The following PYHIN1 variants were observed in gnomAD, a reference collection of about 807,000 sequenced individuals.
PYHIN1 encodes pyrin and HIN domain family member 1.
Under a neutral mutation model 43.7 loss-of-function variants are expected in PYHIN1, and 32 were observed. The observed-to-expected ratio is 0.73, with a 90% CI of 0.55 to 0.98. The LOEUF (loss-of-function observed/expected upper bound fraction) is 0.98. Among genes scored for constraint, PYHIN1 ranks in the 50% least tolerant of loss-of-function variants. The pLI, the probability that PYHIN1 is intolerant of heterozygous loss-of-function variation, is 0.00. For missense variants in PYHIN1, 588 were observed against 589.5 expected, an observed-to-expected ratio of 1.00 and a Z score of 0.03; for synonymous variants, 205 against 203.1, an observed-to-expected ratio of 1.01 and a Z score of -0.08.
At chr1:158,976,577 G>A in intron 8 of PYHIN1, 124 bp from the exon 9 acceptor site, 4 of 645,320 alleles carry the variant, frequency 6.2e-6, no homozygotes, top group Non-Finnish European at 2.7e-6. Context: ...TGAGAAAAGA[G>A]TGCTTCAGAT....
rs745995286 is a variant in PYHIN1, at chr1:158,938,511, C to T, written c.380C>T (p.Ala127Val). 1.2e-6 allele frequency: 2 copies of T among 1,614,078 alleles called. No individual in the cohort carries two copies. The highest frequency in any genetic ancestry group is 1.7e-5 in the Admixed American group (1 of 60,010). ...PACTPSNRLT[A>V]KGAEETLGPQ... ...TGCACCCCAAGCAACCGTCTCACAG[C>T]TAAAGGAGCAGAGGAGACTCTTGGA... is the stretch of plus-strand genomic sequence containing the variant. Residue 127 changes from alanine to valine, a missense_variant, in exon 3 of 9, where the codon GCT (alanine) becomes GTT (valine). Ala to Val is a moderately conservative substitution (Grantham distance 64). Coordinates refer to ENST00000368140, the MANE Select transcript of PYHIN1 (RefSeq NM_152501.5).
intron 7 of PYHIN1, among the ~76,000 whole-genome samples, chr1:158,947,037 T>C (rs779972594): frequency 1.3e-5 from 2 of 152,174 alleles, no homozygotes; most frequent in Non-Finnish European, 2.9e-5. Context: ...AACCACATCA[T>C]GCAGTTTCTT....
chr1:158,985,075 A>T, the PYHIN1 span, among the ~76,000 whole-genome samples: 4 of 152,144 alleles, frequency 2.6e-5, no homozygotes, highest in Non-Finnish European at 4.4e-5. Context: ...TCTCTTGAAG[A>T]CAGCATGTAA....
At chr1:158,962,404 G>A (rs1650372184) in intron 7 of PYHIN1, among the ~76,000 whole-genome samples, 1 of 152,104 alleles carries the variant, frequency 6.6e-6, no homozygotes, top group Non-Finnish European at 1.5e-5. Flanking sequence ...AGTGATGGGC[G>A]GATCCCCAAC....
chr1:158,958,934 G>C (rs72704936), intron 7 of PYHIN1, among the ~76,000 whole-genome samples: 2 of 150,752 alleles, frequency 1.3e-5, no homozygotes, highest in African/African-American at 4.9e-5. Context: ...AGCCTTAAGC[G>C]GCTGTTTCAA....
the PYHIN1 span, among the ~76,000 whole-genome samples, chr1:158,989,585 T>C: frequency 6.6e-6 from 1 of 152,252 alleles, no homozygotes; most frequent in East Asian, 1.9e-4. Flanking sequence ...ACGATGAAAG[T>C]AAAGATCAGA....
chr1:158,937,880 G>C (rs1345531467), intron 2 of PYHIN1, among the ~76,000 whole-genome samples: 1 of 151,634 alleles, frequency 6.6e-6, no homozygotes, highest in Non-Finnish European at 1.5e-5. Flanking sequence ...GAGAGGCGGA[G>C]CTGGCAGTGA....
chr1:158,952,429 G>A (rs1649600387), intron 7 of PYHIN1, among the ~76,000 whole-genome samples: 1 of 152,052 alleles, frequency 6.6e-6, no homozygotes, highest in Non-Finnish European at 1.5e-5. Flanking sequence ...TGCATTACTG[G>A]GCAGGTGAAC....
At chr1:158,937,960 GA>G (rs1648665608) in intron 2 of PYHIN1, among the ~76,000 whole-genome samples, 1 of 142,112 alleles carries the variant, frequency 7.0e-6, no homozygotes, top group African/African-American at 2.5e-5. Context: ...AAAAAAAAAA[GA>G]AAAAAAGTCA....
chr1:158,958,785 T>TA (rs34504261), intron 7 of PYHIN1, among the ~76,000 whole-genome samples: 77 of 129,432 alleles, frequency 5.9e-4, no homozygotes, highest in East Asian at 1.1e-3. Context: ...AAAAATAAAT[T>TA]AAAAAAAAAA....
intron 1 of PYHIN1, among the ~76,000 whole-genome samples, chr1:158,935,431 T>A (rs891046085): frequency 1.3e-5 from 2 of 151,840 alleles, no homozygotes; most frequent in African/African-American, 4.8e-5. Context: ...TAGAGAGAAA[T>A]GTGGATCTGT....
intron 1 of PYHIN1, among the ~76,000 whole-genome samples, chr1:158,934,542 T>C (rs1164825012): frequency 6.6e-6 from 1 of 152,178 alleles, no homozygotes; most frequent in Non-Finnish European, 1.5e-5. Flanking sequence ...TATTTGTTTT[T>C]TATGTTCTTC....
chr1:158,984,202 T>C, the PYHIN1 span, among the ~76,000 whole-genome samples: 7 of 151,972 alleles, frequency 4.6e-5, no homozygotes, highest in African/African-American at 1.4e-4. Context: ...GGGGTTGGTT[T>C]CCTTTTGTTT....
chr1:158,976,632 T>C, intron 8 of PYHIN1, 69 bp from the exon 9 acceptor site: 1 of 1,173,288 alleles, frequency 8.5e-7, no homozygotes, highest in Non-Finnish European at 1.2e-6. Context: ...AGAGGCAGTG[T>C]GATTGAAGAA....
chr1:158,982,233 T>C, the PYHIN1 span, among the ~76,000 whole-genome samples: 2 of 152,298 alleles, frequency 1.3e-5, no homozygotes, highest in African/African-American at 4.8e-5. Flanking sequence ...CAGAATAGTA[T>C]TTCCTAGATT....
intron 7 of PYHIN1, among the ~76,000 whole-genome samples, chr1:158,948,589 G>A (rs1649351272): frequency 6.6e-6 from 1 of 152,176 alleles, no homozygotes; most frequent in Admixed American, 6.5e-5. Context: ...TGCTGTAAGA[G>A]AAGTTTATTA....
intron 7 of PYHIN1, 172 bp downstream of exon 7, chr1:158,945,214 C>A (rs942973043): frequency 5.2e-6 from 3 of 576,890 alleles, no homozygotes; most frequent in Admixed American, 7.3e-5. Context: ...ACATGATAGT[C>A]TTTGCTATCT....
chr1:158,959,620 C>G (rs181620787), intron 7 of PYHIN1, among the ~76,000 whole-genome samples: 20 of 152,284 alleles, frequency 1.3e-4, no homozygotes, highest in Admixed American at 5.2e-4. Flanking sequence ...AAAATTTTTC[C>G]TACCAGCCTG....
In PYHIN1 at chr1:158,938,225, C is replaced by G. The variant is rs548911724; in HGVS notation, c.266-172C>G. ...GAGGAGTGTGAGTCAGTGTTTGTGC[C>G]TTTGTTTCTCCTGCTGGCCTCCTGG... is the stretch of plus-strand genomic sequence containing the variant. On this transcript the variant is annotated intron_variant, in intron 2 of 8. Coordinates refer to ENST00000368140, the MANE Select transcript of PYHIN1 (RefSeq NM_152501.5). Among the ~76,000 whole-genome samples, 103 of 152,256 alleles carry G rather than the reference C, an allele frequency of 6.8e-4. No individual in the cohort carries two copies. In the Middle Eastern group the frequency reaches 0.024, roughly 35 times the overall value.
Sources: allele counts gnomAD v4.1 joint callset (sites outside exome capture counted in the v4.1 genomes callset), GRCh38; gene constraint gnomAD v4.1.1; transcripts MANE v1.5; gene names NCBI Gene and HGNC (gene_info 2026-07-23, HGNC 2026-07-21).